Variants in EYS observed in about 807,000 individuals in gnomAD.
EYS encodes protein eyes shut homolog.
EYS carries 250 observed loss-of-function variants against 282.1 expected under a neutral mutation model. That is an observed-to-expected ratio of 0.89 (90% CI 0.80 to 0.98). The LOEUF is 0.98. Among genes scored for constraint, EYS ranks in the 50% least tolerant of loss-of-function variants. EYS has a pLI of 0.00. For synonymous variants in EYS, 1,355 were observed against 1,282.9 expected (o/e 1.06, Z -1.20); for missense variants, 4,016 against 3,709.0 (o/e 1.08, Z -2.15).
chr6:64,320,434 G>A (rs1032622859), intron 29 of EYS, among the ~76,000 whole-genome samples: 2 of 151,328 alleles, frequency 1.3e-5, no homozygotes, highest in Admixed American at 6.6e-5. Flanking sequence ...AAGTTTAATG[G>A]TCTTTTATTC....
chr6:64,268,733 T>A (rs1217252488), intron 30 of EYS, among the ~76,000 whole-genome samples: 1 of 152,116 alleles, frequency 6.6e-6, no homozygotes, highest in Non-Finnish European at 1.5e-5. Context: ...ACCTGAGCAA[T>A]TGAATACATA....
At chr6:65,332,665 G>T (rs1352867412) in intron 11 of EYS, among the ~76,000 whole-genome samples, 4 of 151,238 alleles carry the variant, frequency 2.6e-5, no homozygotes, top group Non-Finnish European at 4.4e-5. Context: ...GTTGGGAAAT[G>T]TTCTCTTCTC....
At chr6:63,896,792 C>G (rs1279433486) in intron 35 of EYS, among the ~76,000 whole-genome samples, 1 of 152,172 alleles carries the variant, frequency 6.6e-6, no homozygotes, top group East Asian at 1.9e-4. Context: ...AAAGTCATAT[C>G]GTTGAAGTCA....
At chr6:64,746,202 A>C (rs937489849) in intron 22 of EYS, among the ~76,000 whole-genome samples, 1 of 152,044 alleles carries the variant, frequency 6.6e-6, no homozygotes, top group African/African-American at 2.4e-5. Flanking sequence ...CCCTTGTAAC[A>C]ATATTAAGAG....
intron 35 of EYS, among the ~76,000 whole-genome samples, chr6:63,891,260 T>TA (rs982086886): frequency 6.6e-6 from 1 of 152,080 alleles, no homozygotes; most frequent in Non-Finnish European, 1.5e-5. Flanking sequence ...TCCTGATACC[T>TA]AAGCCTGGCA....
At chr6:64,488,478 T>C (rs761941555) in intron 26 of EYS, among the ~76,000 whole-genome samples, 37 of 151,136 alleles carry the variant, frequency 2.4e-4, no homozygotes, top group Non-Finnish European at 1.5e-4. Context: ...TAATAGACTA[T>C]TGTTAAAATG....
rs1430469825 is a variant in EYS, at chr6:64,246,512, A to C, written c.6192-15688T>G. Among the ~76,000 whole-genome samples the C allele has an allele frequency of 3.3e-5, 5 of 152,136 alleles. No homozygotes were observed. The East Asian group carries it at 9.6e-4, about 29-fold the overall frequency. On this transcript the variant is annotated intron_variant, in intron 30 of 42. Transcript: ENST00000503581. ...TGTGTTTTCTATAGATTCTAGATAA[A>C]AGTAGGCTTAGACATGTGTGTACAG...
chr6:65,650,042 T>A (rs1767598237), intron 1 of EYS, among the ~76,000 whole-genome samples: 1 of 152,188 alleles, frequency 6.6e-6, no homozygotes. Context: ...GCCTGTGTTT[T>A]CAGTGTTTTA....
chr6:64,690,636 A>T (rs1770344107), intron 22 of EYS, among the ~76,000 whole-genome samples: 1 of 152,200 alleles, frequency 6.6e-6, no homozygotes, highest in Admixed American at 6.5e-5. Flanking sequence ...TACAACATGG[A>T]ATACTATGCA....
intron 15 of EYS, 91 bp from the exon 16 acceptor site, chr6:64,912,834 G>T: frequency 4.2e-6 from 3 of 715,022 alleles, no homozygotes; most frequent in Non-Finnish European, 6.1e-6. Flanking sequence ...CTAATAGTAT[G>T]TGGTGCTTTT....
At chr6:65,604,433 G>A (rs1765714185) in intron 2 of EYS, among the ~76,000 whole-genome samples, 1 of 151,756 alleles carries the variant, frequency 6.6e-6, no homozygotes, top group African/African-American at 2.4e-5. Context: ...AAATTCACAT[G>A]GAAACACATT....
At chr6:64,331,368 G>A (rs957283381) in intron 29 of EYS, among the ~76,000 whole-genome samples, 1 of 152,120 alleles carries the variant, frequency 6.6e-6, no homozygotes, top group Non-Finnish European at 1.5e-5. Context: ...ACAGGAGGGC[G>A]TGACGAGGCT....
intron 7 of EYS, among the ~76,000 whole-genome samples, chr6:65,393,982 T>C (rs1766163922): frequency 6.6e-6 from 1 of 152,124 alleles, no homozygotes; most frequent in African/African-American, 2.4e-5. Flanking sequence ...AAAAACATAG[T>C]ATTCATATTT....
rs532335834 is a variant in EYS, at chr6:64,030,555, C to T, written c.6726-31372G>A. Reference sequence around the variant, plus strand: ...GAGTGTTGTTTTTACACTAACCAGTCGGGGATAGTACGAGATGCCGCCCGG... The same window carrying T: ...GAGTGTTGTTTTTACACTAACCAGTTGGGGATAGTACGAGATGCCGCCCGG... On this transcript the variant is annotated intron_variant, in intron 33 of 42. Coordinates refer to ENST00000503581, the MANE Select transcript of EYS (RefSeq NM_001142800.2). Among the ~76,000 whole-genome samples, 19 of 151,626 alleles carry T rather than the reference C, an allele frequency of 1.3e-4. No individual in the cohort carries two copies. The South Asian group carries it at 3.8e-3, about 30-fold the overall frequency.
chr6:63,804,982 T>A (rs1485830888), intron 37 of EYS, among the ~76,000 whole-genome samples: 2 of 151,840 alleles, frequency 1.3e-5, no homozygotes, highest in Non-Finnish European at 2.9e-5. Flanking sequence ...ATGGTGGGAG[T>A]CTGAAATACC....
At chr6:64,545,995 T>G (rs1173032981) in intron 26 of EYS, among the ~76,000 whole-genome samples, 2 of 152,196 alleles carry the variant, frequency 1.3e-5, no homozygotes, top group Non-Finnish European at 2.9e-5. Context: ...TAACAATGAC[T>G]TTCTTCACAG....
rs901298037 is a variant in EYS at position 64,086,210 on chromosome 6, T to C, written c.6425-4208A>G. Among the ~76,000 whole-genome samples the C allele has an allele frequency of 2.0e-5, 3 of 152,224 alleles. No individual in the cohort carries two copies. The East Asian group carries it at 5.8e-4, about 29-fold the overall frequency. Reference sequence around the variant, plus strand: ...CTCAGCATCATTATCTACTCGTCTCTTCCCAAACTAGTTGCTAGATCCTGA... The same window carrying C: ...CTCAGCATCATTATCTACTCGTCTCCTCCCAAACTAGTTGCTAGATCCTGA... On this transcript the variant is annotated intron_variant, in intron 31 of 42. Coordinates refer to ENST00000503581, the MANE Select transcript of EYS (RefSeq NM_001142800.2).
At chr6:65,331,427 A>G in intron 11 of EYS, 1 of 777,612 alleles carries the variant, frequency 1.3e-6, no homozygotes, top group Non-Finnish European at 1.6e-6. Flanking sequence ...AACAGGTGGT[A>G]TCACACATAT....
chr6:64,782,018 TC>T (rs1471223447), intron 22 of EYS, among the ~76,000 whole-genome samples: 4 of 152,194 alleles, frequency 2.6e-5, no homozygotes, highest in Non-Finnish European at 4.4e-5. Flanking sequence ...TCTTTGGGCC[TC>T]AATTTCTTCA....
Sources: allele counts gnomAD v4.1 joint callset (sites outside exome capture counted in the v4.1 genomes callset), GRCh38; gene constraint gnomAD v4.1.1; transcripts MANE v1.5; gene names NCBI Gene and HGNC (gene_info 2026-07-23, HGNC 2026-07-21).